Variants in CPAP observed in about 807,000 individuals in gnomAD.
CPAP encodes centrosomal P4.1-associated protein.
At chr13:24,893,466 G>A in the CPAP span, among the ~76,000 whole-genome samples, 3 of 152,380 alleles carry the variant, frequency 2.0e-5, no homozygotes, top group South Asian at 6.2e-4. Context: ...AAGCCCATCA[G>A]TGGTGAGGCA....
the CPAP span, chr13:24,906,312 C>T: frequency 6.2e-7 from 1 of 1,603,650 alleles, no homozygotes; most frequent in Non-Finnish European, 8.5e-7. Flanking sequence ...AAAAATTCAT[C>T]TAATTCCAAA....
the CPAP span, chr13:24,892,831 A>C: frequency 2.5e-6 from 4 of 1,613,502 alleles, no homozygotes; most frequent in East Asian, 4.5e-5. Context: ...TTTCTTTTCA[A>C]ATCTTCCCGT....
chr13:24,904,025 TTCTC>T, the CPAP span: 5 of 1,614,076 alleles, frequency 3.1e-6, no homozygotes, highest in Non-Finnish European at 4.2e-6. Flanking sequence ...TTCAATAATT[TTCTC>T]TCTCAAAACC....
At chr13:24,882,331 G>T in the CPAP span, 1 of 151,392 alleles carries the variant, frequency 6.6e-6, no homozygotes, top group South Asian at 2.1e-4. Context: ...GGAATTGATA[G>T]ATTTCATTAA....
chr13:24,924,102 G>T, the CPAP span, among the ~76,000 whole-genome samples: 1 of 152,070 alleles, frequency 6.6e-6, no homozygotes, highest in Non-Finnish European at 1.5e-5. Flanking sequence ...CAAAGTGCTG[G>T]AATTACAGGC....
the CPAP span, chr13:24,884,282 A>AGAT: frequency 9.3e-6 from 15 of 1,614,122 alleles, no homozygotes; most frequent in South Asian, 5.5e-5. Flanking sequence ...TTTTCTCCAG[A>AGAT]GATGGTTAAA....
the CPAP span, among the ~76,000 whole-genome samples, chr13:24,914,515 C>A: frequency 6.6e-6 from 1 of 152,206 alleles, no homozygotes; most frequent in Admixed American, 6.5e-5. Flanking sequence ...TCAACCTCTT[C>A]TCTGAGGACT....
At chr13:24,926,872 G>T in the CPAP span, among the ~76,000 whole-genome samples, 1 of 152,146 alleles carries the variant, frequency 6.6e-6, no homozygotes, top group Non-Finnish European at 1.5e-5. Flanking sequence ...TCTACAAAAG[G>T]ATTAATTGAG....
chr13:24,883,252 TTGA>T, the CPAP span: 1 of 1,614,146 alleles, frequency 6.2e-7, no homozygotes, highest in South Asian at 1.1e-5. Context: ...ACTTCGTTTC[TTGA>T]TGACCGTTTG....
chr13:24,911,775 C>G, the CPAP span, among the ~76,000 whole-genome samples: 1 of 151,898 alleles, frequency 6.6e-6, no homozygotes, highest in African/African-American at 2.4e-5. Context: ...AATGCGGCAG[C>G]TCCTTCTTGT....
At chr13:24,887,568 A>G in the CPAP span, among the ~76,000 whole-genome samples, 125 of 151,822 alleles carry the variant, frequency 8.2e-4, no homozygotes, top group African/African-American at 2.9e-3. Flanking sequence ...GTCTCCCATC[A>G]CCCCCAGATG....
At chr13:24,927,642 C>T in the CPAP span, among the ~76,000 whole-genome samples, 1 of 152,324 alleles carries the variant, frequency 6.6e-6, no homozygotes, top group South Asian at 2.1e-4. Context: ...GAAGGCCCAG[C>T]TCCCTGATTT....
the CPAP span, chr13:24,906,442 C>T: frequency 1.2e-5 from 19 of 1,613,912 alleles, no homozygotes; most frequent in South Asian, 6.6e-5. Context: ...GCCGGCTGGC[C>T]GGCCCTGTTG....
chr13:24,921,796 C>T, the CPAP span, among the ~76,000 whole-genome samples: 2 of 152,228 alleles, frequency 1.3e-5, no homozygotes, highest in African/African-American at 4.8e-5. Context: ...TCTTGGGATG[C>T]AGCAGCCAGA....
the CPAP span, chr13:24,883,123 C>A: frequency 7.0e-7 from 1 of 1,427,756 alleles, no homozygotes; most frequent in Non-Finnish European, 9.9e-7. Context: ...AGTAAATGTA[C>A]ATTTTTTAAC....
chr13:24,890,407 G>A, the CPAP span, among the ~76,000 whole-genome samples: 10 of 152,048 alleles, frequency 6.6e-5, no homozygotes, highest in Non-Finnish European at 1.0e-4. Flanking sequence ...CCCTGACCAC[G>A]CTCACAGCTG....
chr13:24,899,711 C>T, the CPAP span: 13 of 736,726 alleles, frequency 1.8e-5, no homozygotes, highest in Non-Finnish European at 1.7e-5. Context: ...CCTGAAATAA[C>T]AGCCAATCCA....
the CPAP span, among the ~76,000 whole-genome samples, chr13:24,917,822 TC>T: frequency 6.6e-6 from 1 of 152,208 alleles, no homozygotes; most frequent in African/African-American, 2.4e-5. Context: ...GCAAGTGTTG[TC>T]CCATGGGGGA....
At chr13:24,887,471 G>A in the CPAP span, among the ~76,000 whole-genome samples, 3 of 152,120 alleles carry the variant, frequency 2.0e-5, no homozygotes, top group Non-Finnish European at 4.4e-5. Flanking sequence ...GATTCTCATA[G>A]GAGCAAGAAC....
Sources: gnomAD v4.1 joint callset for allele counts (sites outside exome capture counted in the v4.1 genomes callset) on GRCh38, gnomAD v4.1.1 for gene constraint, MANE v1.5 for transcripts, NCBI Gene and HGNC (gene_info 2026-07-23, HGNC 2026-07-21) for gene names.